FAM153A: variants seen among roughly 807,000 people sequenced by gnomAD.
FAM153A encodes the protein protein FAM153A.
Under a neutral mutation model 48.1 loss-of-function variants are expected in FAM153A, and 12 were observed. The observed-to-expected ratio is 0.25, with a 90% CI of 0.16 to 0.40. FAM153A has a LOEUF of 0.40. FAM153A is among the 10% of genes least tolerant of loss of function. The pLI is 1.00. For missense variants in FAM153A, 111 were observed against 345.8 expected, an observed-to-expected ratio of 0.32 and a Z score of 5.38; for synonymous variants, 36 against 118.2, an observed-to-expected ratio of 0.30 and a Z score of 4.51.
chr5:177,753,232 T>C (rs574147541), upstream of FAM153A: 820 of 1,600,834 alleles, frequency 5.1e-4, 24 homozygotes, highest in African/African-American at 0.01. Flanking sequence ...ACAACTAAGC[T>C]GCGTTTACTG....
rs371661583 is a variant in FAM153A at position 177,778,406 on chromosome 5, GAAAAAA to G, written c.-57+2037_-57+2042del. 3.8e-4 allele frequency among the ~76,000 whole-genome samples: 30 copies of G among 78,106 alleles called. 9 individuals carry two copies. In the South Asian group the frequency reaches 0.013, roughly 33 times the overall value. The allele number at this position is 78,106 out of a possible 152,430, so 51.2% of individuals were successfully genotyped here. On this transcript the variant is annotated intron_variant, in intron 1 of 8. Coordinates refer to the FAM153A transcript ENST00000393518. ...ATGTTCTACAATATGAATGTTTCTAGAAAAAAAAAAAAATGAAAAGGTGGTCAATTT... is the reference window on the plus strand; with the variant it reads ...ATGTTCTACAATATGAATGTTTCTAGAAAAAAATGAAAAGGTGGTCAATTT...
intron 14 of FAM153A, among the ~76,000 whole-genome samples, chr5:177,732,813 T>C (rs1473310075): frequency 8.4e-5 from 12 of 143,358 alleles, no homozygotes; most frequent in African/African-American, 2.1e-4. Flanking sequence ...TCACAACTTT[T>C]GTACTAGATA....
chr5:177,758,930 C>A (rs1241141718), intron 1 of FAM153A, among the ~76,000 whole-genome samples: 6 of 151,584 alleles, frequency 4.0e-5, no homozygotes, highest in Admixed American at 3.3e-4. Flanking sequence ...GACTTCATGT[C>A]TAAAACACCA....
At chr5:177,765,341 G>A (rs1768658941) in intron 1 of FAM153A, among the ~76,000 whole-genome samples, 1 of 105,570 alleles carries the variant, frequency 9.5e-6, no homozygotes, top group Non-Finnish European at 2.0e-5. Context: ...CCTGGATTAA[G>A]TCCAGTGAGG....
intron 1 of FAM153A, among the ~76,000 whole-genome samples, chr5:177,760,276 G>C (rs1331583919): frequency 1.2e-5 from 1 of 84,000 alleles, no homozygotes; most frequent in African/African-American, 5.4e-5. Context: ...TTGCTCTGTC[G>C]CCCAGGCTGG....
chr5:177,755,603 C>T (rs191489173), upstream of FAM153A, among the ~76,000 whole-genome samples: 949 of 151,882 alleles, frequency 6.2e-3, 9 homozygotes, highest in Non-Finnish European at 9.5e-3. Flanking sequence ...GGGTTACCCA[C>T]AAAGGGAAGC....
rs535024062 is a variant in FAM153A at position 177,779,095 on chromosome 5, G to GT, written c.-57+1353dup. ...TAATAGTATAACTACTGATCATAGA[G>GT]TTCCTTTTACTTGCTTCTAATCTTT... On this transcript the variant is annotated intron_variant, in intron 1 of 8. Transcript: ENST00000393518. Among the ~76,000 whole-genome samples, 744 of 151,700 alleles carry GT rather than the reference G, an allele frequency of 4.9e-3. 6 individuals are homozygous for GT. Among genetic ancestry groups the GT allele is most frequent in the Non-Finnish European group, 7.8e-3 (530 of 68,024 alleles).
At chr5:177,715,661 C>T (rs1225320882) in intron 25 of FAM153A, among the ~76,000 whole-genome samples, 1 of 151,642 alleles carries the variant, frequency 6.6e-6, no homozygotes, top group African/African-American at 2.4e-5. Context: ...TTGCTGGGAG[C>T]CTCCTATAAA....
chr5:177,705,010 A>AG (rs2127542258), downstream of FAM153A, among the ~76,000 whole-genome samples: 1 of 151,316 alleles, frequency 6.6e-6, no homozygotes, highest in East Asian at 1.9e-4. Flanking sequence ...CAAAAAAAAA[A>AG]AAAATTATAT....
At chr5:177,757,625 C>T (rs1217387131), upstream of FAM153A, among the ~76,000 whole-genome samples, 2 of 151,248 alleles carry the variant, frequency 1.3e-5, no homozygotes, top group Non-Finnish European at 2.9e-5. Flanking sequence ...AAAGCTTATC[C>T]AACACGATCA....
intron 17 of FAM153A, 55 bp downstream of exon 19, chr5:177,729,430 C>A: frequency 1.3e-6 from 2 of 1,576,548 alleles, no homozygotes; most frequent in South Asian, 2.2e-5. Context: ...TCAATTGAAA[C>A]AGAGAAACCG....
In FAM153A at chr5:177,745,869, G is replaced by T. The variant is rs541516056; in HGVS notation, c.260-902C>A. On this transcript the variant is annotated intron_variant, in intron 4 of 20. Coordinates refer to ENST00000614127, the Ensembl canonical transcript of FAM153A. The stretch of plus-strand genomic sequence containing the variant: ...AGGACTCTGTGTGTTTTACATTAAT[G>T]ATCACACTAAAGCCCACTGTGCAAT... Among the ~76,000 whole-genome samples, 1,304 of 151,830 alleles carry T rather than the reference G, an allele frequency of 8.6e-3. 54 individuals carry two copies. Among genetic ancestry groups the T allele is most frequent in the African/African-American group, 0.029 (1,205 of 41,118 alleles).
downstream of FAM153A, among the ~76,000 whole-genome samples, chr5:177,719,055 A>T (rs1271377600): frequency 1.3e-5 from 2 of 149,500 alleles, no homozygotes; most frequent in South Asian, 2.1e-4. Context: ...TAATTTTTGT[A>T]TTTTTTTTTG....
chr5:177,717,407 CAATGTAA>C (rs1280276465), downstream of FAM153A: 1 of 149,658 alleles, frequency 6.7e-6, no homozygotes, highest in East Asian at 1.9e-4. Context: ...GGCAGGTAAT[CAATGTAA>C]AAGGAATGAG....
downstream of FAM153A, among the ~76,000 whole-genome samples, chr5:177,709,680 T>G (rs538517434): frequency 0.013 from 1,902 of 142,926 alleles, 76 homozygotes; most frequent in Non-Finnish European, 0.015. Flanking sequence ...TTTTGTTTTT[T>G]TTTTTTTTTG....
At chr5:177,716,044 C>T (rs999305929) in intron 25 of FAM153A, among the ~76,000 whole-genome samples, 12 of 149,062 alleles carry the variant, frequency 8.1e-5, no homozygotes, top group Admixed American at 4.7e-4. Flanking sequence ...AGTGCAGTGG[C>T]GCAATCTTAG....
chr5:177,734,145 G>A (rs1388200559), intron 14 of FAM153A, among the ~76,000 whole-genome samples: 2 of 120,624 alleles, frequency 1.7e-5, no homozygotes, highest in African/African-American at 5.7e-5. Flanking sequence ...ACATGAGCAG[G>A]CCCCTTGCAC....
chr5:177,709,125 AAAAAAAAGAAAG>A, downstream of FAM153A, among the ~76,000 whole-genome samples: 1 of 140,232 alleles, frequency 7.1e-6, no homozygotes, highest in African/African-American at 2.9e-5. Context: ...AAAAAAAAAA[AAAAAAAAGAAAG>A]AAAAGCCTAG....
At chr5:177,717,331 TAAATTA>T (rs1162151596), downstream of FAM153A, 1 of 143,832 alleles carries the variant, frequency 7.0e-6, no homozygotes, top group Non-Finnish European at 1.5e-5. Context: ...ATTAATCATT[TAAATTA>T]AAATTAAACA....
Sources: allele counts gnomAD v4.1 joint callset (sites outside exome capture counted in the v4.1 genomes callset), GRCh38; gene constraint gnomAD v4.1.1; transcripts MANE v1.5; gene names NCBI Gene and HGNC (gene_info 2026-07-23, HGNC 2026-07-21).